Variants in EBF1 observed in about 807,000 individuals in gnomAD.
The protein encoded by EBF1 is transcription factor COE1.
EBF1 carries 10 observed loss-of-function variants against 68.4 expected under a neutral mutation model. The observed-to-expected ratio is 0.15, with a 90% CI of 0.09 to 0.25. EBF1 has a LOEUF of 0.25. Ranked by LOEUF, EBF1 falls within the 10% of genes least tolerant of loss-of-function variation. EBF1 has a pLI of 1.00. For synonymous variants in EBF1, 298 were observed against 299.8 expected (o/e 0.99, Z 0.06); for missense variants, 509 against 794.4 (o/e 0.64, Z 4.32).
intron 10 of EBF1, among the ~76,000 whole-genome samples, chr5:158,731,422 T>C (rs1033178505): frequency 1.3e-5 from 2 of 152,206 alleles, no homozygotes; most frequent in Non-Finnish European, 2.9e-5. Flanking sequence ...ACTCCTTACA[T>C]GATCATAAAT....
At chr5:158,770,555 A>G (rs534468404) in intron 10 of EBF1, among the ~76,000 whole-genome samples, 1 of 152,210 alleles carries the variant, frequency 6.6e-6, no homozygotes, top group Admixed American at 6.5e-5. Context: ...GTCCCTGACT[A>G]CTTCTCGCAG....
At chr5:159,091,184 C>T (rs781585813) in intron 4 of EBF1, among the ~76,000 whole-genome samples, 3 of 152,174 alleles carry the variant, frequency 2.0e-5, no homozygotes, top group East Asian at 3.8e-4. Context: ...ACAGCTCTAG[C>T]GTAAATATCC....
intron 8 of EBF1, among the ~76,000 whole-genome samples, chr5:158,815,592 G>A (rs1783563101): frequency 6.6e-6 from 1 of 152,136 alleles, no homozygotes; most frequent in Non-Finnish European, 1.5e-5. Context: ...TTACTGTCAA[G>A]TATGGCAAAA....
At chr5:158,706,481 C>A (rs1163521449) in intron 15 of EBF1, among the ~76,000 whole-genome samples, 2 of 152,168 alleles carry the variant, frequency 1.3e-5, no homozygotes, top group Admixed American at 6.5e-5. Flanking sequence ...TATAATGGGA[C>A]TAGTGCTGAC....
intron 6 of EBF1, among the ~76,000 whole-genome samples, chr5:158,969,892 G>GAAAT (rs371540560): frequency 2.0e-4 from 20 of 99,000 alleles, no homozygotes; most frequent in Admixed American, 1.7e-3. Flanking sequence ...AAGAAAGAAA[G>GAAAT]AAAGAAAGAA....
chr5:159,076,397 C>T (rs1266695969), intron 5 of EBF1, among the ~76,000 whole-genome samples: 1 of 152,124 alleles, frequency 6.6e-6, no homozygotes, highest in Non-Finnish European at 1.5e-5. Flanking sequence ...CTCCCCCAAG[C>T]ATGCCACACC....
chr5:159,045,225 A>T (rs932092130), intron 6 of EBF1, among the ~76,000 whole-genome samples: 1 of 152,094 alleles, frequency 6.6e-6, no homozygotes. Flanking sequence ...AATGTTTTTT[A>T]AATTTTCATG....
intron 11 of EBF1, among the ~76,000 whole-genome samples, chr5:158,718,878 T>C (rs1321753359): frequency 2.0e-5 from 3 of 152,122 alleles, no homozygotes; most frequent in Admixed American, 2.0e-4. Flanking sequence ...TGATCTGAAG[T>C]GTGTTAGTCA....
At chr5:159,077,233 G>T (rs73305722) in intron 5 of EBF1, among the ~76,000 whole-genome samples, 1 of 152,002 alleles carries the variant, frequency 6.6e-6, no homozygotes, top group Admixed American at 6.6e-5. Flanking sequence ...TCAGGAGTTC[G>T]GGACTAGCCT....
intron 6 of EBF1, among the ~76,000 whole-genome samples, chr5:158,864,590 GA>G (rs957778276): frequency 1.4e-4 from 22 of 151,792 alleles, no homozygotes; most frequent in Admixed American, 2.0e-4. Flanking sequence ...TTCTAGTGGG[GA>G]AAAAAGACAA....
rs576942100 is a variant in EBF1 at position 158,896,596 on chromosome 5, G to T, written c.555-56486C>A. Among the ~76,000 whole-genome samples the T allele has an allele frequency of 5.8e-4, 88 of 152,260 alleles. 1 individual carries two copies. Among genetic ancestry groups the T allele is most frequent in the Admixed American group, 5.7e-3 (87 of 15,290 alleles). ...CACACAGCTAAGTGGCAAAGGCTGGGACTCAAATTGTATGATTTCAAAGTT... is the reference window on the plus strand; with the variant it reads ...CACACAGCTAAGTGGCAAAGGCTGGTACTCAAATTGTATGATTTCAAAGTT... On this transcript the variant is annotated intron_variant, in intron 6 of 15. Transcript: ENST00000313708.
chr5:158,942,387 A>T (rs4921120), intron 6 of EBF1, among the ~76,000 whole-genome samples: 1 of 152,036 alleles, frequency 6.6e-6, no homozygotes, highest in Admixed American at 6.5e-5. Flanking sequence ...TGGGCAAGTT[A>T]CTTCAGCTAT....
At chr5:158,947,902 C>T (rs1430135796) in intron 6 of EBF1, among the ~76,000 whole-genome samples, 3 of 152,186 alleles carry the variant, frequency 2.0e-5, no homozygotes, top group African/African-American at 7.2e-5. Context: ...CTGAAGCATC[C>T]TTACTCCATT....
In EBF1 at chr5:158,698,629, G is replaced by A; in HGVS notation, c.*482C>T. 4.9e-6 allele frequency: 1 copy of A among 202,896 alleles called. No homozygotes were observed. Among genetic ancestry groups the A allele is most frequent in the Non-Finnish European group, 9.7e-6 (1 of 103,210 alleles). The allele number at this position is 202,896 out of a possible 1,614,324, so 12.6% of individuals were successfully genotyped here. ...AAAATCTAACTGGCATTCCTATTCT[G>A]TCCCATACAAGCTTTTTTTTTTTTC... On this transcript the variant is annotated 3_prime_UTR_variant, in exon 16 of 16. Coordinates refer to ENST00000313708, the MANE Select transcript of EBF1 (RefSeq NM_024007.5).
chr5:158,944,702 C>T (rs1049544706), intron 6 of EBF1, among the ~76,000 whole-genome samples: 1 of 152,172 alleles, frequency 6.6e-6, no homozygotes, highest in African/African-American at 2.4e-5. Context: ...AAAAGTGTTC[C>T]TATTTCTCCA....
chr5:158,872,435 A>T (rs565098298), intron 6 of EBF1, among the ~76,000 whole-genome samples: 8 of 152,162 alleles, frequency 5.3e-5, no homozygotes, highest in African/African-American at 1.9e-4. Flanking sequence ...GACCCCGCGA[A>T]CTGATCCACC....
intron 6 of EBF1, among the ~76,000 whole-genome samples, chr5:158,914,217 G>T (rs1806632248): frequency 6.6e-6 from 1 of 152,124 alleles, no homozygotes; most frequent in Non-Finnish European, 1.5e-5. Context: ...TAGGTGGTGG[G>T]GGCAGTGCTA....
At chr5:158,703,238 A>C (rs991683518) in intron 15 of EBF1, among the ~76,000 whole-genome samples, 9 of 152,224 alleles carry the variant, frequency 5.9e-5, no homozygotes, top group African/African-American at 2.2e-4. Context: ...GGCTCTGGAA[A>C]ACAGACACAG....
At chr5:159,016,188 A>G (rs563933953) in intron 6 of EBF1, among the ~76,000 whole-genome samples, 2 of 152,364 alleles carry the variant, frequency 1.3e-5, no homozygotes, top group East Asian at 3.9e-4. Context: ...CAAACATTCC[A>G]TACAGAACCT....
Sources: gnomAD v4.1 joint callset for allele counts (sites outside exome capture counted in the v4.1 genomes callset) on GRCh38, gnomAD v4.1.1 for gene constraint, MANE v1.5 for transcripts, NCBI Gene and HGNC (gene_info 2026-07-23, HGNC 2026-07-21) for gene names.